Variants in GABRR2 observed in about 807,000 individuals in gnomAD.
GABRR2 encodes gamma-aminobutyric acid receptor subunit rho-2.
Under a neutral mutation model 47.0 loss-of-function variants are expected in GABRR2, and 36 were observed. The ratio of observed to expected loss-of-function variants is 0.77; its 90% CI spans 0.59 to 1.01. The LOEUF is 1.01. Among genes scored for constraint, GABRR2 ranks in the 50% least tolerant of loss-of-function variants. The pLI is 0.00. For missense variants in GABRR2, 587 were observed against 594.6 expected (o/e 0.99, Z 0.13); for synonymous variants, 204 against 227.5 (o/e 0.90, Z 0.93).
At chr6:89,277,458 A>G (rs1251528434) in intron 2 of GABRR2, among the ~76,000 whole-genome samples, 1 of 152,206 alleles carries the variant, frequency 6.6e-6, no homozygotes, top group Non-Finnish European at 1.5e-5. Flanking sequence ...ATATATAAAT[A>G]ACTCCTAAGA....
intron 2 of GABRR2, among the ~76,000 whole-genome samples, chr6:89,273,174 G>C (rs1253853188): frequency 6.6e-6 from 1 of 152,100 alleles, no homozygotes; most frequent in Non-Finnish European, 1.5e-5. Context: ...CTATTTTTCT[G>C]TGTTCCTCAG....
chr6:89,260,788 C>T (rs566012180), intron 8 of GABRR2, among the ~76,000 whole-genome samples: 22 of 152,142 alleles, frequency 1.4e-4, no homozygotes, highest in Non-Finnish European at 3.1e-4. Flanking sequence ...TTTTAACAGA[C>T]TCAGGAGGTG....
At chr6:89,259,975 T>C (rs899427965) in intron 8 of GABRR2, among the ~76,000 whole-genome samples, 4 of 151,160 alleles carry the variant, frequency 2.6e-5, no homozygotes, top group African/African-American at 4.9e-5. Context: ...TGATGCCATC[T>C]CAGATCACTG....
In GABRR2 at chr6:89,277,868, T is replaced by TGGGG. The variant is rs141786803; in HGVS notation, c.221-6150_221-6147dup. Among the ~76,000 whole-genome samples, 606 of 84,430 alleles carry TGGGG rather than the reference T, an allele frequency of 7.2e-3. 6 individuals are homozygous for TGGGG. Among genetic ancestry groups the TGGGG allele is most frequent in the Middle Eastern group, 0.029 (5 of 170 alleles). 55.4% of individuals were successfully genotyped at this position (84,430 alleles called of 152,430 possible). The stretch of plus-strand genomic sequence containing the variant: ...ATACCTTGCCAGTGGTGGGCGGGGG[T>TGGGG]GGGGGGGGGTGGGGGCTGCAAATTG... On this transcript the variant is annotated intron_variant, in intron 2 of 8. Transcript: ENST00000402938.
intron 1 of GABRR2, among the ~76,000 whole-genome samples, chr6:89,303,877 G>A (rs1562389972): frequency 6.6e-6 from 1 of 152,144 alleles, no homozygotes; most frequent in Non-Finnish European, 1.5e-5. Context: ...TTCAATACAT[G>A]GTGTTATGAG....
intron 7 of GABRR2, among the ~76,000 whole-genome samples, chr6:89,265,261 C>T (rs142946701): frequency 1.3e-5 from 2 of 152,254 alleles, no homozygotes; most frequent in East Asian, 3.9e-4. Flanking sequence ...TGTCTAAACA[C>T]GGCCAGCAAA....
In GABRR2 at chr6:89,255,852, G is replaced by C. The variant is rs1057317190; in HGVS notation, c.*1818C>G. On this transcript the variant is annotated 3_prime_UTR_variant, in exon 9 of 9. Transcript: ENST00000402938. ...GTGCTTACTAAGCCCACTTGAGTGT[G>C]GATGGTGTAACCAAGGAACTGAGTT... is the stretch of plus-strand genomic sequence containing the variant. 1.3e-5 allele frequency among the ~76,000 whole-genome samples: 2 copies of C among 152,038 alleles called. No individual in the cohort carries two copies. Among genetic ancestry groups the C allele is most frequent in the Non-Finnish European group, 2.9e-5 (2 of 68,006 alleles).
rs182435928 is a variant in GABRR2 at position 89,307,689 on chromosome 6, G to C, written c.113+7364C>G. ...TGCTGAAGAAACCAGAGCCCTCAGG[G>C]CCTGTGACTGTTGTGTGCAGCATAT... On this transcript the variant is annotated intron_variant, in intron 1 of 8. Coordinates refer to ENST00000402938, the MANE Select transcript of GABRR2 (RefSeq NM_002043.5). 3.4e-3 allele frequency among the ~76,000 whole-genome samples: 513 copies of C among 152,284 alleles called. 4 individuals are homozygous for C. The highest frequency in any genetic ancestry group is 0.011 in the African/African-American group (468 of 41,548).
chr6:89,272,684 G>A (rs1424970946), intron 2 of GABRR2, among the ~76,000 whole-genome samples: 1 of 152,196 alleles, frequency 6.6e-6, no homozygotes, highest in African/African-American at 2.4e-5. Flanking sequence ...CTGCACGTGG[G>A]TCCTCTGAGC....
chr6:89,311,399 T>G (rs912178994), intron 1 of GABRR2, among the ~76,000 whole-genome samples: 29 of 152,088 alleles, frequency 1.9e-4, no homozygotes, highest in Non-Finnish European at 3.2e-4. Flanking sequence ...GGCCCAGAGT[T>G]TTTTTAAGAG....
chr6:89,260,146 A>C (rs1410597708), intron 8 of GABRR2, among the ~76,000 whole-genome samples: 1 of 152,064 alleles, frequency 6.6e-6, no homozygotes, highest in Non-Finnish European at 1.5e-5. Context: ...GGTTCAAGGG[A>C]TCCACCTGCC....
At chr6:89,273,478 G>A (rs1423339527) in intron 2 of GABRR2, among the ~76,000 whole-genome samples, 6 of 152,134 alleles carry the variant, frequency 3.9e-5, no homozygotes, top group Non-Finnish European at 5.9e-5. Flanking sequence ...AAAGTGATCC[G>A]CCCGCCTCGG....
chr6:89,287,903 AC>A (rs1311203533), intron 2 of GABRR2, among the ~76,000 whole-genome samples: 1 of 152,250 alleles, frequency 6.6e-6, no homozygotes, highest in Non-Finnish European at 1.5e-5. Flanking sequence ...TCCCCTCTGA[AC>A]AGGTGCTATA....
chr6:89,262,429 C>A (rs1386228622), intron 8 of GABRR2, among the ~76,000 whole-genome samples: 1 of 152,202 alleles, frequency 6.6e-6, no homozygotes, highest in African/African-American at 2.4e-5. Context: ...TACTCCAACA[C>A]CTTCTCCTTC....
rs769893363 is a variant in GABRR2, at chr6:89,264,526, C to T, written c.972G>A (p.Val324=). Residue 324 remains valine (V), a synonymous_variant, in exon 8 of 9, where the codon GTG becomes GTA. Coordinates refer to ENST00000402938, the MANE Select transcript of GABRR2 (RefSeq NM_002043.5). The part of the protein sequence containing the change: ...SMPRVSYVKA[V]DIYLWVSFVF... ...CAAAGCTGACCCAGAGGTAGATGTC[C>T]ACGGCCTTGACGTAGGAGACGCGCG... is the stretch of plus-strand genomic sequence containing the variant. The T allele has an allele frequency of 1.9e-6, 3 of 1,614,100 alleles. No individual in the cohort carries two copies. The Admixed American group carries it at 5.0e-5, about 27-fold the overall frequency.
intron 1 of GABRR2, chr6:89,302,085 C>CCAGG: frequency 1.6e-6 from 1 of 630,544 alleles, no homozygotes; most frequent in Non-Finnish European, 3.0e-6. Context: ...AATAACTGGG[C>CCAGG]CAGGGGTCAC....
intron 8 of GABRR2, among the ~76,000 whole-genome samples, chr6:89,261,694 T>A (rs34087757): frequency 0.25 from 38,419 of 152,102 alleles, 4,942 homozygotes; most frequent in Non-Finnish European, 0.28. Context: ...CACAAGGTTT[T>A]TCTTTTTCTC....
In GABRR2 at chr6:89,256,630, T is replaced by C. The variant is rs919680786; in HGVS notation, c.*1040A>G. ...TAGTCTATGCCAACAATGTGATTTA[T>C]GATAGGTGCCCTGGACCTCAAGGTA... On this transcript the variant is annotated 3_prime_UTR_variant, in exon 9 of 9. Transcript: ENST00000402938. 6.6e-6 allele frequency among the ~76,000 whole-genome samples: 1 copy of C among 152,160 alleles called. No homozygotes were observed. The highest frequency in any genetic ancestry group is 1.5e-5 in the Non-Finnish European group (1 of 68,018).
At chr6:89,299,288 G>A (rs1774608002) in intron 2 of GABRR2, among the ~76,000 whole-genome samples, 2 of 152,120 alleles carry the variant, frequency 1.3e-5, no homozygotes, top group South Asian at 4.1e-4. Context: ...AGGTAGTCAT[G>A]GCAACAAAGT....
Sources: allele counts gnomAD v4.1 joint callset (sites outside exome capture counted in the v4.1 genomes callset), GRCh38; gene constraint gnomAD v4.1.1; transcripts MANE v1.5; gene names NCBI Gene and HGNC (gene_info 2026-07-23, HGNC 2026-07-21).